Variants in TGM5 observed in about 807,000 individuals in gnomAD.
The protein encoded by TGM5 is transglutaminase 5, also known as protein-glutamine gamma-glutamyltransferase 5.
TGM5 carries 69 observed loss-of-function variants against 77.2 expected under a neutral mutation model. That is an observed-to-expected ratio of 0.89 (90% CI 0.74 to 1.09). The LOEUF (loss-of-function observed/expected upper bound fraction) is 1.09, where lower values mean the gene tolerates loss of function less well. Among genes scored for constraint, TGM5 ranks in the 50% least tolerant of loss-of-function variants. TGM5 has a pLI of 0.00. For missense variants in TGM5, 842 were observed against 896.5 expected (o/e 0.94, Z 0.78); for synonymous variants, 346 against 351.8 (o/e 0.98, Z 0.18).
chr15:43,256,521 C>G (rs748941458), intron 4 of TGM5, 47 bp downstream of exon 4: 3 of 1,476,258 alleles, frequency 2.0e-6, no homozygotes, highest in Non-Finnish European at 2.8e-6. Context: ...CTCCCTCTCC[C>G]CACAAGCTCG....
Position 43,252,803 on chromosome 15 carries a change from A to G in TGM5, c.818T>C (p.Val273Ala), listed in dbSNP as rs1440429440. 3 of 1,613,940 alleles carry G rather than the reference A, an allele frequency of 1.9e-6. No homozygotes were observed. The highest frequency in any genetic ancestry group is 2.5e-6 in the Non-Finnish European group (3 of 1,180,020). Residue 273 changes from valine to alanine, a missense_variant, in exon 6 of 13, where the codon GTG becomes GCG. This residue lies in a region of TGM5 where 815 missense variants were observed against 844.6 expected (regional missense o/e 0.96). Transcript: ENST00000220420. Reference protein sequence around the residue: ...KQWNATGCQPVRYGQCWVFAA... With the variant: ...KQWNATGCQPARYGQCWVFAA... ...AAAGACCCAGCATTGCCCGTAGCGC[A>G]CGGGCTGGCAGCCTGTGGCGTTCCA... is the stretch of plus-strand genomic sequence containing the variant.
At chr15:43,255,718 G>A (rs2042737739) in intron 4 of TGM5, among the ~76,000 whole-genome samples, 1 of 152,128 alleles carries the variant, frequency 6.6e-6, no homozygotes, top group South Asian at 2.1e-4. Flanking sequence ...CTCCCACAGT[G>A]CTCTTGGCAC....
At chr15:43,240,644 A>G (rs891555815) in intron 7 of TGM5, among the ~76,000 whole-genome samples, 3 of 142,750 alleles carry the variant, frequency 2.1e-5, no homozygotes, top group Non-Finnish European at 4.5e-5. Context: ...CTAAACCCCA[A>G]ATGGGCTTTG....
chr15:43,254,120 G>A (rs1476480882), intron 4 of TGM5, among the ~76,000 whole-genome samples: 2 of 152,188 alleles, frequency 1.3e-5, no homozygotes, highest in Admixed American at 6.5e-5. Context: ...AATTGCATGT[G>A]AATTATGAAA....
chr15:43,235,371 G>A lies in TGM5; in HGVS notation c.1714+98C>T, dbSNP rs1360863321. The A allele has an allele frequency of 2.6e-6, 4 of 1,516,774 alleles. No individual in the cohort carries two copies. The African/African-American group carries it at 4.1e-5, about 16-fold the overall frequency. 94.0% of individuals were successfully genotyped at this position (1,516,774 alleles called of 1,614,324 possible). ...GCCAGAGGGGACAGTAGAAATGATG[G>A]TGTCTCAGGGGTCTGCCCCCAGAAC... On this transcript the variant is annotated intron_variant, in intron 10 of 12. Transcript: ENST00000220420.
chr15:43,256,750 A>T, intron 3 of TGM5, 64 bp from the exon 4 acceptor site: 1 of 1,177,576 alleles, frequency 8.5e-7, no homozygotes, highest in Non-Finnish European at 1.3e-6. Flanking sequence ...CCCCATTCTC[A>T]TCCCCACAGT....
chr15:43,257,649 C>T (rs1291577977), intron 3 of TGM5, among the ~76,000 whole-genome samples: 1 of 152,094 alleles, frequency 6.6e-6, no homozygotes, highest in East Asian at 1.9e-4. Flanking sequence ...ACTAGTTCAA[C>T]CATTGTGGAA....
intron 3 of TGM5, among the ~76,000 whole-genome samples, chr15:43,257,304 A>G (rs1221848859): frequency 6.6e-6 from 1 of 152,228 alleles, no homozygotes; most frequent in African/African-American, 2.4e-5. Context: ...CCCATACCAT[A>G]GAGACGTAAG....
chr15:43,265,774 C>G (rs993448220), intron 1 of TGM5, among the ~76,000 whole-genome samples: 1 of 152,082 alleles, frequency 6.6e-6, no homozygotes, highest in African/African-American at 2.4e-5. Flanking sequence ...CTTGTGTAAC[C>G]GGAAAATTGA....
rs539107994 is a variant in TGM5, at chr15:43,260,598, G to T, written c.11-19C>A. On this transcript the variant is annotated intron_variant, in intron 1 of 12. Transcript: ENST00000220420. ...TCTAGCCCTGCAATGGGGCAGCCAGGGTTAGACAAAATAGTGGGGTTGTGG... is the reference window on the plus strand; with the variant it reads ...TCTAGCCCTGCAATGGGGCAGCCAGTGTTAGACAAAATAGTGGGGTTGTGG... The T allele has an allele frequency of 1.6e-4, 254 of 1,614,078 alleles. 3 individuals are homozygous for T. In the South Asian group the frequency reaches 2.7e-3, roughly 17 times the overall value.
intron 6 of TGM5, 37 bp downstream of exon 6, chr15:43,252,722 C>T (rs773566467): frequency 6.2e-7 from 1 of 1,611,894 alleles, no homozygotes; most frequent in South Asian, 1.1e-5. Context: ...AGCGGCTATA[C>T]TTCTGACCTT....
intron 6 of TGM5, among the ~76,000 whole-genome samples, chr15:43,249,034 C>G (rs780337912): frequency 6.6e-6 from 1 of 152,142 alleles, no homozygotes; most frequent in Non-Finnish European, 1.5e-5. Context: ...AGGCAGCCTC[C>G]CATCGCCCAC....
At chr15:43,234,681 C>T in intron 11 of TGM5, 88 bp downstream of exon 11, 1 of 1,546,518 alleles carries the variant, frequency 6.5e-7, no homozygotes, top group Non-Finnish European at 8.9e-7. Context: ...CTCTCCTAAG[C>T]AGGCCCAGGC....
chr15:43,252,877 G>C lies in TGM5; in HGVS notation c.744C>G (p.Asp248Glu). 6.2e-7 allele frequency: 1 copy of C among 1,613,850 alleles called. No individual in the cohort carries two copies. Among genetic ancestry groups the C allele is most frequent in the Non-Finnish European group, 8.5e-7 (1 of 1,180,034 alleles). ...LNGNWSENYT[D>E]GANPAEWTGS... ...CCGTCCACTCCGCAGGGTTGGCGCC[G>C]TCTGTGTAATTCTCACTCCAGTTTC... Residue 248 changes from aspartate (D) to glutamate (E), a missense_variant, in exon 6 of 13, where the codon GAC becomes GAG. This residue lies in a region of TGM5 where 815 missense variants were observed against 844.6 expected (regional missense o/e 0.96). Transcript: ENST00000220420.
In TGM5 at chr15:43,232,766, TG is replaced by T; in HGVS notation, c.*424del. On this transcript the variant is annotated 3_prime_UTR_variant, in exon 13 of 13. Coordinates refer to ENST00000220420, the MANE Select transcript of TGM5 (RefSeq NM_201631.4). Reference sequence around the variant, plus strand: ...TGACCTCTGTGCCAAATCACGCTTCTGGATAGGAGACTGGAATCCTGGAATC... The same window carrying T: ...TGACCTCTGTGCCAAATCACGCTTCTGATAGGAGACTGGAATCCTGGAATC... 1 of 212,516 alleles carries T rather than the reference TG, an allele frequency of 4.7e-6. No homozygotes were observed. The highest frequency in any genetic ancestry group is 5.3e-5 in the Admixed American group (1 of 19,042). The allele number at this position is 212,516 out of a possible 1,614,324, so 13.2% of individuals were successfully genotyped here. A position where few individuals can be genotyped will look rare whatever the true frequency, so the allele number is the denominator to read the frequency against.
intron 3 of TGM5, among the ~76,000 whole-genome samples, chr15:43,258,064 A>T (rs1387400400): frequency 4.6e-5 from 7 of 151,796 alleles, no homozygotes; most frequent in Non-Finnish European, 1.0e-4. Flanking sequence ...AACATCACAC[A>T]CCAGGGCCTG....
intron 7 of TGM5, chr15:43,239,535 C>G: frequency 2.0e-6 from 1 of 505,452 alleles, no homozygotes; most frequent in Non-Finnish European, 3.6e-6. Context: ...AAAAAATTAA[C>G]TAGGCATCAT....
At position 43,256,742 on chromosome 15, in the gene TGM5, C is replaced by G. The variant is rs534468165; in HGVS notation, c.437-56G>C. The G allele has an allele frequency of 9.7e-6, 12 of 1,232,410 alleles. No homozygotes were observed. In the East Asian group the frequency reaches 2.5e-4, roughly 26 times the overall value. The allele number at this position is 1,232,410 out of a possible 1,614,324, so 76.3% of individuals were successfully genotyped here. A position where few individuals can be genotyped will look rare whatever the true frequency, so the allele number is the denominator to read the frequency against. ...GAAAAGTCACCTTTCCCTTACTGCC[C>G]CATTCTCATCCCCACAGTCCCAGAG... On this transcript the variant is annotated intron_variant, in intron 3 of 12. Transcript: ENST00000220420.
At chr15:43,264,930 GAAATT>G (rs1465481789) in intron 1 of TGM5, among the ~76,000 whole-genome samples, 1 of 152,070 alleles carries the variant, frequency 6.6e-6, no homozygotes, top group Non-Finnish European at 1.5e-5. Flanking sequence ...TATTATAAAA[GAAATT>G]AAGCATAATG....
Sources: allele counts gnomAD v4.1 joint callset (sites outside exome capture counted in the v4.1 genomes callset), GRCh38; gene constraint gnomAD v4.1.1; regional missense constraint gnomAD v4.1.1; transcripts MANE v1.5; gene names NCBI Gene and HGNC (gene_info 2026-07-23, HGNC 2026-07-21).